Variants in C2 observed in about 807,000 individuals in gnomAD.
C2 encodes the protein C3/C5 convertase.
A neutral mutation model predicts 85.2 loss-of-function variants in C2; 64 were observed. The observed-to-expected ratio is 0.75, with a 90% CI of 0.61 to 0.92. The LOEUF is 0.92. C2 is among the 40% of genes least tolerant of loss of function. C2 has a pLI of 0.00. For missense variants in C2, 820 were observed against 971.6 expected, an observed-to-expected ratio of 0.84 and a Z score of 2.07; for synonymous variants, 311 against 370.8, an observed-to-expected ratio of 0.84 and a Z score of 1.85.
At chr6:31,898,834 G>A (rs1168850391), upstream of C2, among the ~76,000 whole-genome samples, 2 of 152,018 alleles carry the variant, frequency 1.3e-5, no homozygotes, top group Non-Finnish European at 2.9e-5. Flanking sequence ...TGTACTGTGA[G>A]GTACCTGGCT....
intron 1 of C2, among the ~76,000 whole-genome samples, chr6:31,912,994 G>A (rs2151714797): frequency 1.7e-5 from 2 of 119,810 alleles, no homozygotes; most frequent in East Asian, 2.5e-4. Flanking sequence ...AGGATTTCAA[G>A]ACCACTCTGG....
Position 31,904,413 on chromosome 6 carries a change from A to C in C2, c.73+3274A>C, listed in dbSNP as rs530246624. ...ACTGCAACCTCCGCTTCCCAGGTTCAAGTGATTCTCCTGCCTCAACCTCCC... is the reference window on the plus strand; with the variant it reads ...ACTGCAACCTCCGCTTCCCAGGTTCCAGTGATTCTCCTGCCTCAACCTCCC... On this transcript the variant is annotated intron_variant, in intron 1 of 3. Transcript: ENST00000452202. This position sits in a 1 kb window ranked among gnomAD's most constrained non-coding sequence, Gnocchi z 4.4. 6.6e-6 allele frequency among the ~76,000 whole-genome samples: 1 copy of C among 152,176 alleles called. No homozygotes were observed. The highest frequency in any genetic ancestry group is 2.4e-5 in the African/African-American group (1 of 41,472).
At position 31,922,395 on chromosome 6, in the gene C2, G is replaced by C. The variant is rs1434054523; in HGVS notation, c.-100+2369G>C. Reference sequence around the variant, plus strand: ...CGCGAAGTCCATGCCCAAGTGGCCAGACTGGATAAGGAGTAGACTGGCCAC... The same window carrying C: ...CGCGAAGTCCATGCCCAAGTGGCCACACTGGATAAGGAGTAGACTGGCCAC... On this transcript the variant is annotated intron_variant, in intron 1 of 3. Transcript: ENST00000413154. The surrounding 1 kb of genome is among the most constrained non-coding windows in gnomAD (Gnocchi z 4.8). Among the ~76,000 whole-genome samples the C allele has an allele frequency of 6.6e-6, 1 of 152,198 alleles. No homozygotes were observed. Among genetic ancestry groups the C allele is most frequent in the East Asian group, 1.9e-4 (1 of 5,208 alleles).
chr6:31,898,916 C>A (rs1213758089), upstream of C2, among the ~76,000 whole-genome samples: 1 of 151,922 alleles, frequency 6.6e-6, no homozygotes, highest in Non-Finnish European at 1.5e-5. Context: ...CAGAGGAGCT[C>A]ACTTGTCACA....
At chr6:31,901,713 T>G in intron 1 of C2, 1 of 184,620 alleles carries the variant, frequency 5.4e-6, no homozygotes, top group Non-Finnish European at 1.1e-5. Flanking sequence ...CCTTACACGT[T>G]TGCACGCGCT....
At chr6:31,937,014 C>G in intron 7 of C2, 1 of 368,610 alleles carries the variant, frequency 2.7e-6, no homozygotes, top group Admixed American at 3.8e-5. Context: ...AGGAAACCAG[C>G]TTGGCCAACA....
upstream of C2, chr6:31,900,381 C>T (rs1411577137): frequency 6.5e-7 from 1 of 1,544,516 alleles, no homozygotes; most frequent in Admixed American, 2.0e-5. The surrounding 1 kb of genome is among the most constrained non-coding windows in gnomAD (Gnocchi z 9.7). Context: ...CCCAGGCTGC[C>T]CCCCGCCCCC....
At chr6:31,898,369 C>T (rs977336662), upstream of C2, among the ~76,000 whole-genome samples, 2 of 152,164 alleles carry the variant, frequency 1.3e-5, no homozygotes, top group African/African-American at 2.4e-5. Flanking sequence ...GTCAGGTACT[C>T]CGTGGGTCAT....
chr6:31,945,464 G>T lies in C2; in HGVS notation c.*107G>T. Reference sequence around the variant, plus strand: ...CTGTGATCCATCCTCTCTCCTAGCTGAGTAAATCCGGGTCTCTAGGATGCC... The same window carrying T: ...CTGTGATCCATCCTCTCTCCTAGCTTAGTAAATCCGGGTCTCTAGGATGCC... On this transcript the variant is annotated 3_prime_UTR_variant, in exon 18 of 18. Coordinates refer to ENST00000299367, the MANE Select transcript of C2 (RefSeq NM_000063.6). The surrounding 1 kb of genome is among the most constrained non-coding windows in gnomAD (Gnocchi z 5.3). 1 of 1,107,600 alleles carries T rather than the reference G, an allele frequency of 9.0e-7. No homozygotes were observed. Among genetic ancestry groups the T allele is most frequent in the South Asian group, 1.3e-5 (1 of 79,584 alleles). 68.6% of individuals were successfully genotyped at this position (1,107,600 alleles called of 1,614,324 possible).
rs1562597953 is a variant in C2, at chr6:31,934,180, A to G, written c.730A>G (p.Lys244Glu). Residue 244 changes from lysine to glutamate, a missense_variant, in exon 6 of 18, where the codon AAA becomes GAA. Transcript: ENST00000299367. Reference sequence around the variant, plus strand: ...CATTTCTCCAGAAAGCCTGGGCCGTAAAATCCAAATCCAGCGCTCTGGTCA... The same window carrying G: ...CATTTCTCCAGAAAGCCTGGGCCGTGAAATCCAAATCCAGCGCTCTGGTCA... ...TQKTKESLGR[K>E]IQIQRSGHLN... is the part of the protein sequence containing the mutation. 6.2e-7 allele frequency: 1 copy of G among 1,614,236 alleles called. No homozygotes were observed. Among genetic ancestry groups the G allele is most frequent in the Non-Finnish European group, 8.5e-7 (1 of 1,180,034 alleles).
chr6:31,900,217 G>C (rs774937056), upstream of C2: 8 of 1,614,140 alleles, frequency 5.0e-6, no homozygotes, highest in Admixed American at 1.0e-4. The surrounding 1 kb of genome is among the most constrained non-coding windows in gnomAD (Gnocchi z 9.7). Flanking sequence ...GCTTGCCACA[G>C]CGAGGGCACA....
chr6:31,933,570 A>T, intron 3 of C2, 40 bp from the exon 4 acceptor site: 1 of 1,608,552 alleles, frequency 6.2e-7, no homozygotes, highest in Non-Finnish European at 8.5e-7. Context: ...GCCTGATGGG[A>T]GGGGGCTACT....
intron 8 of C2, among the ~76,000 whole-genome samples, chr6:31,938,741 C>T (rs1770642358): frequency 6.6e-6 from 1 of 151,924 alleles, no homozygotes; most frequent in African/African-American, 2.4e-5. Flanking sequence ...CTCACCGCAA[C>T]CTCCGCCTCC....
upstream of C2, among the ~76,000 whole-genome samples, chr6:31,918,395 C>T (rs1040697433): frequency 2.0e-5 from 3 of 151,870 alleles, no homozygotes; most frequent in African/African-American, 2.4e-5. Flanking sequence ...GAGGCCAGTC[C>T]GGGCAACATA....
In C2 at chr6:31,921,507, T is replaced by C. The variant is rs1768967032; in HGVS notation, c.-100+1481T>C. Among the ~76,000 whole-genome samples, 1 of 151,990 alleles carries C rather than the reference T, an allele frequency of 6.6e-6. No individual in the cohort carries two copies. The highest frequency in any genetic ancestry group is 2.4e-5 in the African/African-American group (1 of 41,378). ...AAGGGGCTGGGGTAGACTTCAGGGA[T>C]GCGCAAGGAGCTCCCAGCAGTCACT... On this transcript the variant is annotated intron_variant, in intron 1 of 3. Coordinates refer to the C2 transcript ENST00000413154. The surrounding 1 kb of genome is among the most constrained non-coding windows in gnomAD (Gnocchi z 4.6).
chr6:31,916,212 A>G (rs975164426), upstream of C2, among the ~76,000 whole-genome samples: 2 of 152,152 alleles, frequency 1.3e-5, no homozygotes, highest in African/African-American at 2.4e-5. Flanking sequence ...CCCAGAAAGC[A>G]GAAGCGAGGC....
chr6:31,937,578 G>A, intron 8 of C2, 119 bp downstream of exon 8: 1 of 1,282,408 alleles, frequency 7.8e-7, no homozygotes, highest in Non-Finnish European at 1.1e-6. Flanking sequence ...TTTTGTTTTT[G>A]TTTTTAGAGA....
At chr6:31,905,786 C>G (rs1767675419) in intron 1 of C2, among the ~76,000 whole-genome samples, 1 of 151,972 alleles carries the variant, frequency 6.6e-6, no homozygotes, top group Non-Finnish European at 1.5e-5. Context: ...GAAGTATTTT[C>G]CAGTCCTATG....
chr6:31,928,242 G>A (rs1191953933), intron 2 of C2, 78 bp downstream of exon 2: 1 of 1,377,806 alleles, frequency 7.3e-7, no homozygotes, highest in Admixed American at 2.0e-5. Context: ...GTTGCTCAGG[G>A]TGGGACTTAA....
Sources: allele counts gnomAD v4.1 joint callset (sites outside exome capture counted in the v4.1 genomes callset), GRCh38; gene constraint gnomAD v4.1.1; non-coding constraint Gnocchi (gnomAD v3.1); transcripts MANE v1.5; gene names NCBI Gene and HGNC (gene_info 2026-07-23, HGNC 2026-07-21).